The following OVCH1 variants were observed in gnomAD, a reference collection of about 807,000 sequenced individuals.
OVCH1 encodes the protein ovochymase 1.
OVCH1 carries 139 observed loss-of-function variants against 138.4 expected under a neutral mutation model. The observed-to-expected ratio is 1.00, with a 90% CI of 0.87 to 1.16. OVCH1 has a LOEUF of 1.16. Among genes scored for constraint, OVCH1 ranks in the 50% most tolerant of loss-of-function variants. The pLI is 0.00. For missense variants in OVCH1, 1,367 were observed against 1,357.9 expected (o/e 1.01, Z -0.11); for synonymous variants, 453 against 467.8 (o/e 0.97, Z 0.41).
At chr12:29,476,130 C>T in intron 13 of OVCH1, 76 bp downstream of exon 13, 1 of 1,180,964 alleles carries the variant, frequency 8.5e-7, no homozygotes, top group Non-Finnish European at 1.3e-6. Context: ...GTTCTGGTAC[C>T]CAAGGAAGCC....
At chr12:29,426,395 TAGAG>T, downstream of OVCH1, among the ~76,000 whole-genome samples, 1 of 152,280 alleles carries the variant, frequency 6.6e-6, no homozygotes, top group South Asian at 2.1e-4. Context: ...ATGAGAATGA[TAGAG>T]AAGATAGACG....
chr12:29,486,310 T>G (rs1267419664), exon 8 of OVCH1: 1 of 1,613,810 alleles, frequency 6.2e-7, no homozygotes, highest in Admixed American at 1.7e-5. Context: ...GTTATATACC[T>G]TGAGCCCACT....
intron 3 of OVCH1, among the ~76,000 whole-genome samples, chr12:29,419,989 C>T (rs995856192): frequency 6.6e-6 from 1 of 152,180 alleles, no homozygotes. Context: ...GGGTCCTGCT[C>T]ACCAAGTTAT....
At chr12:29,420,172 C>T (rs531962653) in intron 3 of OVCH1, among the ~76,000 whole-genome samples, 1 of 152,284 alleles carries the variant, frequency 6.6e-6, no homozygotes. Flanking sequence ...AAGGAATTTT[C>T]AGATAATGTC....
intron 24 of OVCH1, 77 bp downstream of exon 24, chr12:29,444,068 C>T: frequency 6.9e-7 from 1 of 1,439,062 alleles, no homozygotes. Context: ...ATGTTTTAAG[C>T]AAGTACCAAG....
intron 26 of OVCH1, chr12:29,439,209 C>T: frequency 1.1e-6 from 1 of 924,928 alleles, no homozygotes; most frequent in Non-Finnish European, 1.4e-6. Context: ...AGCTCAAAGT[C>T]CTTTGCCTTT....
Position 29,462,021 on chromosome 12 carries a change from C to T in OVCH1, c.2126-13G>A, listed in dbSNP as rs1942153550. On this transcript the variant is annotated splice_polypyrimidine_tract_variant and intron_variant, in intron 18 of 27. Coordinates refer to ENST00000318184, the Ensembl canonical transcript of OVCH1. Reference sequence around the variant, plus strand: ...GCTAGGCCACCATCTAATGAAGAAACATTCAGAGAGAGCTCGATGATGAAG... The same window carrying T: ...GCTAGGCCACCATCTAATGAAGAAATATTCAGAGAGAGCTCGATGATGAAG... 2 of 1,608,802 alleles carry T rather than the reference C, an allele frequency of 1.2e-6. No individual in the cohort carries two copies. The highest frequency in any genetic ancestry group is 1.3e-5 in the African/African-American group (1 of 74,790).
At chr12:29,478,648 G>T (rs923838714) in intron 9 of OVCH1, among the ~76,000 whole-genome samples, 187 bp downstream of exon 10, 8 of 151,950 alleles carry the variant, frequency 5.3e-5, no homozygotes, top group South Asian at 2.1e-4. Flanking sequence ...TAGAATAAAA[G>T]AAATTTTATT....
the OVCH1 span, among the ~76,000 whole-genome samples, chr12:29,405,863 A>C: frequency 6.6e-6 from 1 of 152,238 alleles, no homozygotes. Flanking sequence ...CATAATGTTT[A>C]GAGGTTGACA....
At chr12:29,495,316 T>G (rs1431833739) in exon 4 of OVCH1, 1 of 1,612,808 alleles carries the variant, frequency 6.2e-7, no homozygotes. Flanking sequence ...GATACAGCAG[T>G]GCAATATCAG....
intron 26 of OVCH1, among the ~76,000 whole-genome samples, chr12:29,434,341 C>T (rs909125100): frequency 7.9e-5 from 12 of 152,106 alleles, no homozygotes; most frequent in African/African-American, 2.7e-4. Flanking sequence ...AAAAAATCTG[C>T]TCAATCTTGT....
intron 16 of OVCH1, among the ~76,000 whole-genome samples, chr12:29,468,915 A>T (rs931529695): frequency 5.3e-5 from 8 of 152,162 alleles, no homozygotes; most frequent in African/African-American, 1.4e-4. Context: ...CCATTCTCCA[A>T]AAAAATGAAC....
At chr12:29,409,903 T>C (rs10843413), downstream of OVCH1, among the ~76,000 whole-genome samples, 9 of 151,888 alleles carry the variant, frequency 5.9e-5, no homozygotes, top group Admixed American at 5.9e-4. Context: ...CTGTTGACAG[T>C]GGGGTGTTAA....
At chr12:29,452,512 A>G (rs1489319103) in intron 21 of OVCH1, among the ~76,000 whole-genome samples, 1 of 152,194 alleles carries the variant, frequency 6.6e-6, no homozygotes, top group Non-Finnish European at 1.5e-5. Context: ...TCAGTCTATA[A>G]TCTTCCCTCG....
At chr12:29,487,663 G>A (rs1362627914) in intron 7 of OVCH1, 30 bp downstream of exon 7, 1 of 1,548,936 alleles carries the variant, frequency 6.5e-7, no homozygotes, top group Admixed American at 1.9e-5. Context: ...CTTGAGTTAG[G>A]ATGAGATGAG....
chr12:29,406,942 T>A, the OVCH1 span, among the ~76,000 whole-genome samples: 7 of 144,136 alleles, frequency 4.9e-5, no homozygotes, highest in African/African-American at 1.8e-4. Context: ...AGTGTTCCTA[T>A]TTCTCCACAT....
intron 18 of OVCH1, 145 bp downstream of exon 18, chr12:29,464,362 C>G: frequency 1.1e-6 from 1 of 932,120 alleles, no homozygotes; most frequent in Non-Finnish European, 1.7e-6. Flanking sequence ...TATTTACTTG[C>G]TGATCTGTTA....
At chr12:29,405,262 C>G in the OVCH1 span, among the ~76,000 whole-genome samples, 2 of 151,952 alleles carry the variant, frequency 1.3e-5, no homozygotes, top group African/African-American at 4.8e-5. Context: ...GCATCTATAC[C>G]TCTTTATGAA....
At chr12:29,409,907 G>T (rs892014129), downstream of OVCH1, among the ~76,000 whole-genome samples, 4 of 152,088 alleles carry the variant, frequency 2.6e-5, no homozygotes, top group African/African-American at 9.7e-5. Context: ...TGACAGTGGG[G>T]TGTTAAAGTC....
Sources: gnomAD v4.1 joint callset for allele counts (sites outside exome capture counted in the v4.1 genomes callset) on GRCh38, gnomAD v4.1.1 for gene constraint, MANE v1.5 for transcripts, NCBI Gene and HGNC (gene_info 2026-07-23, HGNC 2026-07-21) for gene names.